Variants in CYP46A1 observed in about 807,000 individuals in gnomAD.
The protein encoded by CYP46A1 is cholesterol 24-hydroxylase.
In CYP46A1, 20 loss-of-function variants were observed where a neutral mutation model predicts 63.3. The ratio of observed to expected loss-of-function variants is 0.32; its 90% confidence interval spans 0.22 to 0.46. The LOEUF is 0.46. Among genes scored for constraint, CYP46A1 ranks in the 20% least tolerant of loss-of-function variants. The probability of loss-of-function intolerance (pLI) is 1.00; values close to 1 mark genes in which losing one functional copy is unlikely to be tolerated. For synonymous variants in CYP46A1, 268 were observed against 273.6 expected, an observed-to-expected ratio of 0.98 and a Z score of 0.20; for missense variants, 445 against 670.8, an observed-to-expected ratio of 0.66 and a Z score of 3.72.
rs189941124 is a variant in CYP46A1, at chr14:99,706,871, C to T, written c.582+86C>T. 4 of 1,482,214 alleles carry T rather than the reference C, an allele frequency of 2.7e-6. No individual in the cohort carries two copies. In the East Asian group the frequency reaches 9.2e-5, roughly 34 times the overall value. The allele number at this position is 1,482,214 out of a possible 1,614,324, so 91.8% of individuals were successfully genotyped here. On this transcript the variant is annotated intron_variant, in intron 6 of 14. Transcript: ENST00000261835. ...CTCTCCCTCTTCCCTTCTCTCTTCC[C>T]CTCCCTCCTGCTCCTCTAACATACC...
intron 9 of CYP46A1, 131 bp downstream of exon 9, chr14:99,716,330 G>C: frequency 1.1e-6 from 1 of 896,516 alleles, no homozygotes; most frequent in African/African-American, 1.7e-5. Context: ...CTAGGGGGCT[G>C]GGCTGAAGGG....
At position 99,706,677 on chromosome 14, in the gene CYP46A1, C is replaced by T. The variant is rs1240481142; in HGVS notation, c.474C>T (p.Asn158=). Residue 158 remains asparagine (N), a synonymous_variant, in exon 6 of 15, where the codon AAC becomes AAT. Transcript: ENST00000261835. The part of the protein sequence containing the change: ...SSLVSLMETF[N]EKAEQLVEIL... ...TGGTTAGCTTAATGGAAACATTCAA[C>T]GAGAAGGCTGAGCAGCTGGTGGAGA... 6 of 1,613,798 alleles carry T rather than the reference C, an allele frequency of 3.7e-6. No homozygotes were observed. The highest frequency in any genetic ancestry group is 1.7e-5 in the Admixed American group (1 of 59,998).
intron 12 of CYP46A1, among the ~76,000 whole-genome samples, chr14:99,724,633 G>T (rs910714563): frequency 1.3e-5 from 2 of 152,152 alleles, no homozygotes; most frequent in Non-Finnish European, 2.9e-5. Context: ...GGGGGGAGTG[G>T]TGAGCATCAG....
intron 13 of CYP46A1, 49 bp from the exon 14 acceptor site, chr14:99,726,141 T>C (rs751992799): frequency 2.0e-6 from 3 of 1,529,046 alleles, no homozygotes; most frequent in South Asian, 2.2e-5. Flanking sequence ...GTTGTTCCTG[T>C]GGGGACGCCT....
intron 5 of CYP46A1, among the ~76,000 whole-genome samples, chr14:99,702,405 G>A (rs2056639500): frequency 6.6e-6 from 1 of 152,090 alleles, no homozygotes; most frequent in Non-Finnish European, 1.5e-5. Context: ...GAAAAATGCT[G>A]CTATGAGCAT....
chr14:99,699,681 A>G, intron 4 of CYP46A1, 142 bp downstream of exon 4: 1 of 878,118 alleles, frequency 1.1e-6, no homozygotes, highest in Non-Finnish European at 1.9e-6. Flanking sequence ...CCCCGTAAAC[A>G]GTGGCCCCAC....
In CYP46A1 at chr14:99,684,667, C is replaced by G. The variant is rs534911996; in HGVS notation, c.119+131C>G. On this transcript the variant is annotated intron_variant, in intron 1 of 14. Transcript: ENST00000261835. ...CGCGGCCGCTGGGAGTCGGCGGCCCCGAGAGGGGCGCTAACTATTCTTAGT... is the reference window on the plus strand; with the variant it reads ...CGCGGCCGCTGGGAGTCGGCGGCCCGGAGAGGGGCGCTAACTATTCTTAGT... 291 of 731,304 alleles carry G rather than the reference C, an allele frequency of 4.0e-4. 1 individual carries two copies. The highest frequency in any genetic ancestry group is 9.1e-4 in the Middle Eastern group (3 of 3,300). 45.3% of individuals were successfully genotyped at this position (731,304 alleles called of 1,614,324 possible).
intron 1 of CYP46A1, among the ~76,000 whole-genome samples, chr14:99,688,081 G>A (rs984732326): frequency 6.6e-6 from 1 of 152,016 alleles, no homozygotes; most frequent in Non-Finnish European, 1.5e-5. Flanking sequence ...CATGTGGCAG[G>A]GAACCCCAGG....
intron 5 of CYP46A1, 113 bp downstream of exon 5, chr14:99,700,214 C>A: frequency 1.6e-6 from 1 of 638,764 alleles, no homozygotes; most frequent in Non-Finnish European, 2.5e-6. Flanking sequence ...CCTCCCTCAG[C>A]TGAAGGGAGA....
At chr14:99,689,025 T>C (rs1645760600) in intron 1 of CYP46A1, among the ~76,000 whole-genome samples, 1 of 152,202 alleles carries the variant, frequency 6.6e-6, no homozygotes, top group South Asian at 2.1e-4. Flanking sequence ...CAGTGATGGC[T>C]TAGTTCTTGG....
rs370097930 is a variant in CYP46A1 at position 99,725,354 on chromosome 14, C to G, written c.1177-37C>G. 2.5e-6 allele frequency: 4 copies of G among 1,588,076 alleles called. No homozygotes were observed. The African/African-American group carries it at 5.4e-5, about 21-fold the overall frequency. ...GGCTCAAGAGGTGCCAGGGGAACAA[C>G]CTGGGAACCAGAGATGAGCGGACCC... On this transcript the variant is annotated intron_variant, in intron 12 of 14. Transcript: ENST00000261835. This position sits in a 1 kb window ranked among gnomAD's most constrained non-coding sequence, Gnocchi z 4.2.
chr14:99,726,497 T>C lies in CYP46A1; in HGVS notation c.1333-60T>C, dbSNP rs565896579. 1.4e-5 allele frequency: 20 copies of C among 1,436,196 alleles called. No homozygotes were observed. In the Admixed American group the frequency reaches 3.4e-4, roughly 24 times the overall value. The allele number at this position is 1,436,196 out of a possible 1,614,324, so 89.0% of individuals were successfully genotyped here. On this transcript the variant is annotated intron_variant, in intron 14 of 14. Transcript: ENST00000261835. ...GCCGGCTGTGACATTTGCTGCTCAT[T>C]CACTCACTCATTCTGTCTTTGCTCC... is the stretch of plus-strand genomic sequence containing the variant.
intron 5 of CYP46A1, among the ~76,000 whole-genome samples, chr14:99,705,003 A>G (rs2056663340): frequency 6.6e-6 from 1 of 152,182 alleles, no homozygotes; most frequent in East Asian, 1.9e-4. Flanking sequence ...TTATAGGTGG[A>G]GGTCAGCGAG....
At chr14:99,705,144 A>G (rs1194531198) in intron 5 of CYP46A1, among the ~76,000 whole-genome samples, 1 of 152,238 alleles carries the variant, frequency 6.6e-6, no homozygotes, top group Non-Finnish European at 1.5e-5. Context: ...ACCTGCTGCC[A>G]GGCATGTGCG....
chr14:99,715,722 C>A (rs1234175244), intron 7 of CYP46A1, 88 bp from the exon 8 acceptor site: 2 of 1,566,258 alleles, frequency 1.3e-6, no homozygotes, highest in Non-Finnish European at 1.7e-6. Context: ...CTTGCCAGTG[C>A]CGCTAACGTC....
intron 12 of CYP46A1, among the ~76,000 whole-genome samples, chr14:99,724,039 C>A (rs2056872458): frequency 1.3e-5 from 2 of 152,144 alleles, no homozygotes; most frequent in South Asian, 4.2e-4. Context: ...GTGCAGACAG[C>A]CACCTTCTCC....
chr14:99,725,296 CT>C lies in CYP46A1; in HGVS notation c.1177-94del. The C allele has an allele frequency of 1.1e-6, 1 of 930,694 alleles. No individual in the cohort carries two copies. The highest frequency in any genetic ancestry group is 1.4e-5 in the South Asian group (1 of 70,664). The allele number at this position is 930,694 out of a possible 1,614,324, so 57.7% of individuals were successfully genotyped here. The stretch of plus-strand genomic sequence containing the variant: ...TGGGGGGAGGAGAGTGGGACCCACT[CT>C]GCTCTGAGTAGCCCTGTTGGGTGGC... On this transcript the variant is annotated intron_variant, in intron 12 of 14. Coordinates refer to ENST00000261835, the MANE Select transcript of CYP46A1 (RefSeq NM_006668.2). This position sits in a 1 kb window ranked among gnomAD's most constrained non-coding sequence, Gnocchi z 4.2.
rs548355772 is a variant in CYP46A1, at chr14:99,724,062, A to G, written c.1177-1329A>G. 2.0e-5 allele frequency among the ~76,000 whole-genome samples: 3 copies of G among 152,308 alleles called. No individual in the cohort carries two copies. In the East Asian group the frequency reaches 5.8e-4, roughly 29 times the overall value. On this transcript the variant is annotated intron_variant, in intron 12 of 14. Transcript: ENST00000261835. ...AGCCACCTTCTCCCTGTGTCTCCAC[A>G]TGGTCTTCCTTCTGTGTGTCTGTGT...
At chr14:99,716,393 G>A (rs1215449995) in intron 9 of CYP46A1, among the ~76,000 whole-genome samples, 194 bp downstream of exon 9, 1 of 152,212 alleles carries the variant, frequency 6.6e-6, no homozygotes, top group Non-Finnish European at 1.5e-5. Context: ...TGGTAATGCA[G>A]CTGGCAATTG....
Sources: gnomAD v4.1 joint callset for allele counts (sites outside exome capture counted in the v4.1 genomes callset) on GRCh38, gnomAD v4.1.1 for gene constraint, Gnocchi (gnomAD v3.1) non-coding constraint, MANE v1.5 for transcripts, NCBI Gene and HGNC (gene_info 2026-07-23, HGNC 2026-07-21) for gene names.